The following ZNF561 variants were observed in gnomAD, a reference collection of about 807,000 sequenced individuals.
The protein encoded by ZNF561 is zinc finger protein 561.
A neutral mutation model predicts 16.7 loss-of-function variants in ZNF561; 16 were observed. That is an observed-to-expected ratio of 0.96 (90% CI 0.65 to 1.45). ZNF561 has a LOEUF of 1.45. Among genes scored for constraint, ZNF561 ranks in the 40% most tolerant of loss-of-function variants. The probability of loss-of-function intolerance (pLI) is 0.00; values close to 1 mark genes in which losing one functional copy is unlikely to be tolerated. For missense variants in ZNF561, 580 were observed against 578.0 expected (o/e 1.00, Z -0.04); for synonymous variants, 190 against 192.1 (o/e 0.99, Z 0.09).
chr19:9,612,434 G>A (rs1450332353), intron 5 of ZNF561, among the ~76,000 whole-genome samples: 4 of 151,908 alleles, frequency 2.6e-5, no homozygotes, highest in Non-Finnish European at 5.9e-5. Flanking sequence ...TCGCCAGGCT[G>A]GTCTTGAACT....
intron 2 of ZNF561, chr19:9,619,228 G>C (rs1366775007): frequency 1.3e-5 from 4 of 296,642 alleles, no homozygotes; most frequent in South Asian, 9.6e-5. Flanking sequence ...CTGCACTCCA[G>C]CCTGGGTGAC....
chr19:9,615,668 G>A (rs1016362541), intron 4 of ZNF561, among the ~76,000 whole-genome samples: 17 of 151,892 alleles, frequency 1.1e-4, no homozygotes, highest in Non-Finnish European at 2.5e-4. Flanking sequence ...CACTCTGGGA[G>A]GCCGAGGTGG....
chr19:9,617,137 A>G lies in ZNF561; in HGVS notation c.149T>C (p.Phe50Ser). Residue 50 changes from phenylalanine to serine, a missense_variant, in exon 4 of 6, where the codon TTC (phenylalanine) becomes TCC (serine). Coordinates refer to ENST00000302851, the MANE Select transcript of ZNF561 (RefSeq NM_152289.3). ...SVTFDDVAVD[F>S]TPEEWALLDT... ...CAGTAAAGCCCACTCCTCTGGGGTG[A>G]AGTCCACAGCCACATCATCAAACGT... The G allele has an allele frequency of 1.9e-6, 3 of 1,613,036 alleles. No homozygotes were observed. Among genetic ancestry groups the G allele is most frequent in the Non-Finnish European group, 2.5e-6 (3 of 1,179,338 alleles).
At chr19:9,614,439 T>C (rs534351191) in intron 4 of ZNF561, among the ~76,000 whole-genome samples, 2 of 152,204 alleles carry the variant, frequency 1.3e-5, no homozygotes, top group South Asian at 2.1e-4. Flanking sequence ...AGAAACCCCA[T>C]CTCTACTAAA....
At chr19:9,620,192 C>T (rs893624208) in intron 1 of ZNF561, among the ~76,000 whole-genome samples, 5 of 152,112 alleles carry the variant, frequency 3.3e-5, no homozygotes, top group African/African-American at 4.8e-5. Context: ...CAGGTGCAAG[C>T]GATTATCAGG....
At chr19:9,618,657 C>T (rs1004242887) in intron 2 of ZNF561, among the ~76,000 whole-genome samples, 2 of 151,372 alleles carry the variant, frequency 1.3e-5, no homozygotes, top group African/African-American at 4.9e-5. Context: ...ACCCAGGAGG[C>T]GGAGCTTGCA....
chr19:9,611,277 C>T lies in ZNF561; in HGVS notation c.384G>A (p.Arg128=). ...CDCKNCGEVF[R]EQFCLKTHMR... The stretch of plus-strand genomic sequence containing the variant: ...TGTGTGTCTTAAGGCAAAACTGTTC[C>T]CTGAAGACCTCTCCACAATTCTTAC... The change falls in exon 6 of 6, where the codon AGG becomes AGA. Residue 128 remains arginine (R), a synonymous_variant. Transcript: ENST00000302851. The T allele has an allele frequency of 6.2e-7, 1 of 1,613,882 alleles. No individual in the cohort carries two copies. Among genetic ancestry groups the T allele is most frequent in the East Asian group, 2.2e-5 (1 of 44,866 alleles).
At chr19:9,617,391 ATCT>A (rs2074574970) in intron 3 of ZNF561, 3 of 1,093,364 alleles carry the variant, frequency 2.7e-6, no homozygotes, top group Admixed American at 8.3e-5. Flanking sequence ...ATTTTTTTAA[ATCT>A]TTTTTTGCTG....
Position 9,607,908 on chromosome 19 carries a change from T to A in ZNF561, c.*2292A>T, listed in dbSNP as rs986182462. On this transcript the variant is annotated 3_prime_UTR_variant, in exon 6 of 6. Coordinates refer to ENST00000302851, the MANE Select transcript of ZNF561 (RefSeq NM_152289.3). ...GTTTTTGAGACAGAGTCTCGCTCTG[T>A]TGTCCAGGCTGGAATGCAGTGGCTG... The A allele has an allele frequency of 6.6e-6, 1 of 152,190 alleles. No individual in the cohort carries two copies. The highest frequency in any genetic ancestry group is 2.4e-5 in the African/African-American group (1 of 41,442). 9.4% of individuals were successfully genotyped at this position (152,190 alleles called of 1,614,324 possible). A position where few individuals can be genotyped will look rare whatever the true frequency, so the allele number is the denominator to read the frequency against.
At chr19:9,613,900 G>T in intron 5 of ZNF561, 121 bp downstream of exon 5, 1 of 1,210,914 alleles carries the variant, frequency 8.3e-7, no homozygotes, top group Non-Finnish European at 1.2e-6. Flanking sequence ...CCCCACTTCA[G>T]CCTCCCAAAT....
chr19:9,612,534 G>A (rs1017949465), intron 5 of ZNF561, among the ~76,000 whole-genome samples: 2 of 151,944 alleles, frequency 1.3e-5, no homozygotes, highest in African/African-American at 2.4e-5. Flanking sequence ...TATTTTTATA[G>A]AGACAAAGTC....
chr19:9,610,777 C>G lies in ZNF561; in HGVS notation c.884G>C (p.Cys295Ser), dbSNP rs1158281026. 5.0e-6 allele frequency: 8 copies of G among 1,613,976 alleles called. No individual in the cohort carries two copies. The highest frequency in any genetic ancestry group is 6.8e-6 in the Non-Finnish European group (8 of 1,180,006). Reference protein sequence around the residue: ...ECGRSFRNSSCLNDHIQIHTG... With the variant: ...ECGRSFRNSSSLNDHIQIHTG... Reference sequence around the variant, plus strand: ...GTGAATTTGAATGTGATCATTAAGGCATGAGGAATTTCTAAAGGATCTTCC... The same window carrying G: ...GTGAATTTGAATGTGATCATTAAGGGATGAGGAATTTCTAAAGGATCTTCC... Residue 295 changes from cysteine (C) to serine (S), a missense_variant, in exon 6 of 6, where the codon TGC becomes TCC. Coordinates refer to ENST00000302851, the MANE Select transcript of ZNF561 (RefSeq NM_152289.3).
At position 9,610,999 on chromosome 19, in the gene ZNF561, T is replaced by C. The variant is rs2074443418; in HGVS notation, c.662A>G (p.Asp221Gly). ...SLDNHMGIHT[D>G]EKLCEFQEYG... ...TTCCTGAAATTCACAGAGTTTCTCA[T>C]CAGTGTGGATTCCCATATGATTATC... Residue 221 changes from aspartate to glycine, a missense_variant, in exon 6 of 6, where the codon GAT (aspartate) becomes GGT (glycine). Asp to Gly is a moderately conservative substitution (Grantham distance 94). Transcript: ENST00000302851. 1.9e-6 allele frequency: 3 copies of C among 1,614,076 alleles called. No homozygotes were observed. Among genetic ancestry groups the C allele is most frequent in the Admixed American group, 1.7e-5 (1 of 59,994 alleles).
chr19:9,619,445 A>T lies in ZNF561; in HGVS notation c.12T>A (p.Ile4=), dbSNP rs774292846. The change falls in exon 2 of 6, where the codon ATT becomes ATA. Residue 4 remains isoleucine, a synonymous_variant. Transcript: ENST00000302851. The stretch of plus-strand genomic sequence containing the variant: ...ACAAAGACTTACCACGGGACAAATA[A>T]ATGGCTGCCATTCTCTGAAGCTGAT... MAA[I]YLSRGFFSRE... 4 of 1,613,196 alleles carry T rather than the reference A, an allele frequency of 2.5e-6. No homozygotes were observed. The Admixed American group carries it at 6.7e-5, about 27-fold the overall frequency.
intron 5 of ZNF561, among the ~76,000 whole-genome samples, chr19:9,612,409 G>A (rs974153269): frequency 6.6e-5 from 10 of 151,234 alleles, no homozygotes; most frequent in Admixed American, 3.3e-4. Flanking sequence ...TTGTAGAGAT[G>A]GGGTTTCCCC....
intron 2 of ZNF561, among the ~76,000 whole-genome samples, chr19:9,618,707 C>T (rs1258990633): frequency 6.6e-6 from 1 of 150,836 alleles, no homozygotes; most frequent in African/African-American, 2.4e-5. Context: ...GCCTGGGTGA[C>T]AGAGCAAGAC....
chr19:9,618,021 C>A, intron 3 of ZNF561, 70 bp downstream of exon 3: 1 of 1,406,176 alleles, frequency 7.1e-7, no homozygotes, highest in South Asian at 1.2e-5. Context: ...ATGAGTCTGT[C>A]TAGAAAGAAA....
rs147396479 is a variant in ZNF561, at chr19:9,610,114, A to C, written c.*86T>G. The C allele has an allele frequency of 3.5e-4, 429 of 1,213,532 alleles. 1 individual carries two copies. In the East Asian group the frequency reaches 0.01, roughly 28 times the overall value. The allele number at this position is 1,213,532 out of a possible 1,614,324, so 75.2% of individuals were successfully genotyped here. A position where few individuals can be genotyped will look rare whatever the true frequency, so the allele number is the denominator to read the frequency against. On this transcript the variant is annotated 3_prime_UTR_variant, in exon 6 of 6. Coordinates refer to ENST00000302851, the MANE Select transcript of ZNF561 (RefSeq NM_152289.3). ...GGATGGTATCTAAGGCCAATCCATGAGTCATTACAACCTCCAAAAGGCATT... is the reference window on the plus strand; with the variant it reads ...GGATGGTATCTAAGGCCAATCCATGCGTCATTACAACCTCCAAAAGGCATT...
rs754156520 is a variant in ZNF561 at position 9,611,237 on chromosome 19, C to T, written c.424G>A (p.Gly142Arg). ...CLKTHMRVQNGGNTSEGNCYG... is the reference protein window; with the variant it reads ...CLKTHMRVQNRGNTSEGNCYG... The stretch of plus-strand genomic sequence containing the variant: ...CAATTACCCTCAGAAGTATTCCCTC[C>T]ATTCTGAACTCTCATGTGTGTCTTA... The change falls in exon 6 of 6, where the codon GGA (glycine) becomes AGA (arginine). Residue 142 changes from glycine to arginine, a missense_variant. Physicochemically the swap from Gly to Arg is moderately radical, Grantham distance 125. Coordinates refer to ENST00000302851, the MANE Select transcript of ZNF561 (RefSeq NM_152289.3). The T allele has an allele frequency of 3.1e-6, 5 of 1,613,958 alleles. No homozygotes were observed. The highest frequency in any genetic ancestry group is 2.2e-5 in the South Asian group (2 of 91,082).
Sources: gnomAD v4.1 joint callset for allele counts (sites outside exome capture counted in the v4.1 genomes callset) on GRCh38, gnomAD v4.1.1 for gene constraint, MANE v1.5 for transcripts, NCBI Gene and HGNC (gene_info 2026-07-23, HGNC 2026-07-21) for gene names.